Variants in CEP170B observed in about 807,000 individuals in gnomAD.
CEP170B encodes centrosomal protein of 170 kDa protein B.
CEP170B carries 55 observed loss-of-function variants against 120.6 expected under a neutral mutation model. That is an observed-to-expected ratio of 0.46 (90% confidence interval 0.37 to 0.57). CEP170B has a LOEUF of 0.57. Among genes scored for constraint, CEP170B ranks in the 20% least tolerant of loss-of-function variants. The probability of loss-of-function intolerance (pLI) is 0.00; values close to 1 mark genes in which losing one functional copy is unlikely to be tolerated. For synonymous variants in CEP170B, 1,033 were observed against 954.5 expected (o/e 1.08, Z -1.52); for missense variants, 2,212 against 2,253.3 (o/e 0.98, Z 0.37).
At position 104,894,976 on chromosome 14, in the gene CEP170B, G is replaced by A; in HGVS notation, c.*18G>A. ...TGATCTAGGCCCCAGACCTGGCCAGGCCAGCCTCCCTGTGCGTGTGCGTCT... is the reference window on the plus strand; with the variant it reads ...TGATCTAGGCCCCAGACCTGGCCAGACCAGCCTCCCTGTGCGTGTGCGTCT... On this transcript the variant is annotated 3_prime_UTR_variant, in exon 19 of 19. Coordinates refer to ENST00000414716, the MANE Select transcript of CEP170B (RefSeq NM_001112726.3). The A allele has an allele frequency of 2.0e-6, 3 of 1,538,038 alleles. No homozygotes were observed. The highest frequency in any genetic ancestry group is 1.7e-4 in the Middle Eastern group (1 of 5,782).
chr14:104,885,237 G>A (rs2140705614), intron 9 of CEP170B, 132 bp from the exon 10 acceptor site: 2 of 987,448 alleles, frequency 2.0e-6, no homozygotes, highest in African/African-American at 1.7e-5. Flanking sequence ...CAGGCTGCAT[G>A]TCCCGGCCAC....
At chr14:104,878,923 A>C (rs1223621509) in intron 5 of CEP170B, among the ~76,000 whole-genome samples, 1 of 152,160 alleles carries the variant, frequency 6.6e-6, no homozygotes, top group Non-Finnish European at 1.5e-5. Context: ...GGGTGGCCAG[A>C]GCCCAGGAAG....
chr14:104,878,486 G>A lies in CEP170B; in HGVS notation c.318G>A (p.Pro106=), dbSNP rs41314519. 0.034 allele frequency: 55,329 copies of A among 1,611,574 alleles called. 1,106 individuals are homozygous for A. Among genetic ancestry groups the A allele is most frequent in the Middle Eastern group, 0.053 (321 of 6,052 alleles). ...YVLERVQHRV[P]EEALKHEKYT... ...TGGAGCGTGTGCAGCACCGAGTCCC[G>A]GAGGAGGCACTCAAGGTTAGTGCTG... The change falls in exon 5 of 19, where the codon CCG becomes CCA. Residue 106 remains proline (P), a synonymous_variant. Coordinates refer to ENST00000414716, the MANE Select transcript of CEP170B (RefSeq NM_001112726.3).
In CEP170B at chr14:104,896,629, C is replaced by G. The variant is rs192751412; in HGVS notation, c.*1671C>G. ...ACTGGTCCTTGTTTGCCGGGCTTCT[C>G]GGAGGGTTCACTGTACATTCGTTCT... On this transcript the variant is annotated 3_prime_UTR_variant, in exon 19 of 19. Coordinates refer to ENST00000414716, the MANE Select transcript of CEP170B (RefSeq NM_001112726.3). The G allele has an allele frequency of 2.2e-6, 1 of 456,102 alleles. No homozygotes were observed. Among genetic ancestry groups the G allele is most frequent in the African/African-American group, 2.0e-5 (1 of 50,048 alleles). The allele number at this position is 456,102 out of a possible 1,614,324, so 28.3% of individuals were successfully genotyped here. A position where few individuals can be genotyped will look rare whatever the true frequency, so the allele number is the denominator to read the frequency against.
rs1170990889 is a variant in CEP170B at position 104,885,461 on chromosome 14, C to T, written c.1863C>T (p.Asp621=). ...VIRGDRDESD[D]GGVAQRMALL... ...GAGGGGACAGAGATGAGTCTGATGA[C>T]GGGGGCGTGGCCCAGCGGATGGCGC... is the stretch of plus-strand genomic sequence containing the variant. The change falls in exon 10 of 19, where the codon GAC becomes GAT. Residue 621 remains aspartate (D), a synonymous_variant. Coordinates refer to ENST00000414716, the MANE Select transcript of CEP170B (RefSeq NM_001112726.3). 22 of 1,563,016 alleles carry T rather than the reference C, an allele frequency of 1.4e-5. No homozygotes were observed. Among genetic ancestry groups the T allele is most frequent in the South Asian group, 5.9e-5 (5 of 84,846 alleles).
In CEP170B at chr14:104,894,278, C is replaced by T. The variant is rs372044946; in HGVS notation, c.4272-7C>T. ...CCCCCATTTCTGCCTCCCCCTACCT[C>T]GGACAGGATCCTCTTTCAGAACACA... On this transcript the variant is annotated splice_region_variant and splice_polypyrimidine_tract_variant and intron_variant, in intron 16 of 18. Transcript: ENST00000414716. 131 of 1,610,898 alleles carry T rather than the reference C, an allele frequency of 8.1e-5. No individual in the cohort carries two copies. The highest frequency in any genetic ancestry group is 1.0e-4 in the Non-Finnish European group (120 of 1,177,522).
Position 104,884,559 on chromosome 14 carries a change from A to G in CEP170B, c.1770+10A>G. 6.6e-7 allele frequency: 1 copy of G among 1,525,314 alleles called. No individual in the cohort carries two copies. Among genetic ancestry groups the G allele is most frequent in the South Asian group, 1.2e-5 (1 of 83,232 alleles). 94.5% of individuals were successfully genotyped at this position (1,525,314 alleles called of 1,614,324 possible). A position where few individuals can be genotyped will look rare whatever the true frequency, so the allele number is the denominator to read the frequency against. On this transcript the variant is annotated intron_variant, in intron 9 of 18. Coordinates refer to ENST00000414716, the MANE Select transcript of CEP170B (RefSeq NM_001112726.3). Reference sequence around the variant, plus strand: ...GAAGATGATCGACCAGGTGCAGCCCAGCGGCGAGTGAGAGCCCTCGTGGGG... The same window carrying G: ...GAAGATGATCGACCAGGTGCAGCCCGGCGGCGAGTGAGAGCCCTCGTGGGG...
rs1002908438 is a variant in CEP170B, at chr14:104,883,496, C to T, written c.1039C>T (p.Arg347Cys). The change falls in exon 8 of 19, where the codon CGC becomes TGC. Residue 347 changes from arginine to cysteine, a missense_variant. Around this residue, in one of 2 missense-constraint regions of CEP170B, gnomAD observed 2,166 missense variants for 2,166.7 expected, o/e 1.00. Transcript: ENST00000414716. ...CAAGAGCGACCTGCCTGTCCACACC[C>T]GCACCCTGAAGGGTGAGTGCCCAGC... ...STKSDLPVHT[R>C]TLKGHKHEDG... 1.7e-5 allele frequency: 26 copies of T among 1,545,360 alleles called. No individual in the cohort carries two copies. The highest frequency in any genetic ancestry group is 2.5e-5 in the East Asian group (1 of 40,806).
chr14:104,875,732 G>C (rs1275608975), intron 2 of CEP170B, among the ~76,000 whole-genome samples: 1 of 152,238 alleles, frequency 6.6e-6, no homozygotes, highest in African/African-American at 2.4e-5. Flanking sequence ...GGACGACCGG[G>C]CTTGACCTTG....
In CEP170B at chr14:104,883,494, C is replaced by T. The variant is rs762586331; in HGVS notation, c.1037C>T (p.Thr346Ile). 7 of 1,546,484 alleles carry T rather than the reference C, an allele frequency of 4.5e-6. No homozygotes were observed. The Admixed American group carries it at 9.8e-5, about 22-fold the overall frequency. ...ACCAAGAGCGACCTGCCTGTCCACA[C>T]CCGCACCCTGAAGGGTGAGTGCCCA... ...HSTKSDLPVH[T>I]RTLKGHKHED... Residue 346 changes from threonine to isoleucine, a missense_variant, in exon 8 of 19, where the codon ACC becomes ATC. Physicochemically the swap from Thr to Ile is moderately conservative, Grantham distance 89. Around this residue, in one of 2 missense-constraint regions of CEP170B, gnomAD observed 2,166 missense variants for 2,166.7 expected, o/e 1.00. Transcript: ENST00000414716.
rs757586607 is a variant in CEP170B at position 104,894,343 on chromosome 14, G to A, written c.4330G>A (p.Glu1444Lys). The stretch of plus-strand genomic sequence containing the variant: ...GGACCTGGAAGCCAGGATCAACGCC[G>A]AGAACGAGGTGCCCATCCTGAAGAC... ...WEDLEARINA[E>K]NEVPILKTSN... The change falls in exon 17 of 19, where the codon GAG (glutamate) becomes AAG (lysine). Residue 1444 changes from glutamate to lysine, a missense_variant. Glu to Lys is a moderately conservative substitution (Grantham distance 56). Coordinates refer to ENST00000414716, the MANE Select transcript of CEP170B (RefSeq NM_001112726.3). 6 of 1,613,616 alleles carry A rather than the reference G, an allele frequency of 3.7e-6. No homozygotes were observed. Among genetic ancestry groups the A allele is most frequent in the Non-Finnish European group, 8.5e-7 (1 of 1,179,872 alleles).
rs760460131 is a variant in CEP170B, at chr14:104,880,473, G to A, written c.472+48G>A. On this transcript the variant is annotated intron_variant, in intron 6 of 18. Coordinates refer to ENST00000414716, the MANE Select transcript of CEP170B (RefSeq NM_001112726.3). The stretch of plus-strand genomic sequence containing the variant: ...GGGTGAGCACACAGGGCCACTGCCA[G>A]GCCCTCTGCCCCGCACCTGCCTCTC... 6 of 1,592,486 alleles carry A rather than the reference G, an allele frequency of 3.8e-6. No individual in the cohort carries two copies. In the East Asian group the frequency reaches 1.4e-4, roughly 36 times the overall value.
In CEP170B at chr14:104,877,925, T is replaced by A; in HGVS notation, c.236T>A (p.Val79Asp). 1 of 1,550,132 alleles carries A rather than the reference T, an allele frequency of 6.5e-7. No individual in the cohort carries two copies. Reference protein sequence around the residue: ...NDMRIPDQKYVTLKLNDVIRF... With the variant: ...NDMRIPDQKYDTLKLNDVIRF... ...ATGCGCATCCCGGACCAGAAGTACG[T>A]CACGCTGAAGCTCAACGATGTCATC... is the stretch of plus-strand genomic sequence containing the variant. The change falls in exon 4 of 19, where the codon GTC (valine) becomes GAC (aspartate). Residue 79 changes from valine (V) to aspartate (D), a missense_variant. Physicochemically the swap from Val to Asp is radical, Grantham distance 152. Coordinates refer to ENST00000414716, the MANE Select transcript of CEP170B (RefSeq NM_001112726.3).
intron 5 of CEP170B, among the ~76,000 whole-genome samples, chr14:104,878,867 C>T (rs761276420): frequency 7.9e-5 from 12 of 152,200 alleles, no homozygotes; most frequent in Admixed American, 2.0e-4. Flanking sequence ...TGGGCACTGG[C>T]GGATTTAGCT....
At chr14:104,872,000 CAG>C (rs2140629338) in intron 2 of CEP170B, among the ~76,000 whole-genome samples, 1 of 152,378 alleles carries the variant, frequency 6.6e-6, no homozygotes, top group East Asian at 1.9e-4. Context: ...AAGCCTGGCA[CAG>C]AGCTGGTGCC....
chr14:104,872,493 T>TGTGTGCC (rs1895625088), intron 2 of CEP170B, among the ~76,000 whole-genome samples: 1 of 80,352 alleles, frequency 1.2e-5, no homozygotes, highest in African/African-American at 3.0e-5. Context: ...GTGTGCCGTG[T>TGTGTGCC]GTGTGTGCGT....
intron 6 of CEP170B, among the ~76,000 whole-genome samples, chr14:104,880,647 C>T (rs1423591729): frequency 6.6e-6 from 1 of 151,690 alleles, no homozygotes; most frequent in Non-Finnish European, 1.5e-5. Context: ...CACACACCTA[C>T]CCGTGCATGC....
Position 104,886,653 on chromosome 14 carries a change from A to T in CEP170B, c.2414A>T (p.Asp805Val). The T allele has an allele frequency of 6.5e-7, 1 of 1,531,498 alleles. No homozygotes were observed. The highest frequency in any genetic ancestry group is 2.1e-5 in the Admixed American group (1 of 47,278). 94.9% of individuals were successfully genotyped at this position (1,531,498 alleles called of 1,614,324 possible). A position where few individuals can be genotyped will look rare whatever the true frequency, so the allele number is the denominator to read the frequency against. The change falls in exon 12 of 19, where the codon GAC becomes GTC. Residue 805 changes from aspartate to valine, a missense_variant. Coordinates refer to ENST00000414716, the MANE Select transcript of CEP170B (RefSeq NM_001112726.3). ...TTCTTCATTGGGGACCAGAATGGGG[A>T]CGCTGTGTTATCTAGGAAACCGCTT... is the stretch of plus-strand genomic sequence containing the variant. The part of the protein sequence containing the change: ...ASFFIGDQNG[D>V]AVLSRKPLAA...
At position 104,895,532 on chromosome 14, in the gene CEP170B, A is replaced by G. The variant is rs1400880090; in HGVS notation, c.*574A>G. ...TGACCCCAGGCCTTTTATAGGCAGG[A>G]GCCCCACTGCTTCCAGCCTCTGGTG... On this transcript the variant is annotated 3_prime_UTR_variant, in exon 19 of 19. Transcript: ENST00000414716. The G allele has an allele frequency of 1.3e-5, 2 of 152,712 alleles. No homozygotes were observed. The highest frequency in any genetic ancestry group is 4.8e-5 in the African/African-American group (2 of 41,466). 9.5% of individuals were successfully genotyped at this position (152,712 alleles called of 1,614,324 possible). A position where few individuals can be genotyped will look rare whatever the true frequency, so the allele number is the denominator to read the frequency against.
Sources: gnomAD v4.1 joint callset for allele counts (sites outside exome capture counted in the v4.1 genomes callset) on GRCh38, gnomAD v4.1.1 for gene constraint, gnomAD v4.1.1 regional missense constraint, MANE v1.5 for transcripts, NCBI Gene and HGNC (gene_info 2026-07-23, HGNC 2026-07-21) for gene names.